The following WWOX variants were observed in gnomAD, a reference collection of about 807,000 sequenced individuals.
The protein encoded by WWOX is WW domain-containing oxidoreductase.
Under a neutral mutation model 46.2 loss-of-function variants are expected in WWOX, and 69 were observed. That is an observed-to-expected ratio of 1.49 (90% CI 1.23 to 1.82). The LOEUF (loss-of-function observed/expected upper bound fraction) is 1.82. Ranked by LOEUF, WWOX falls within the 40% of genes most tolerant of loss-of-function variation. The pLI is 0.00. For missense variants in WWOX, 919 were observed against 542.6 expected (o/e 1.69, Z -6.89); for synonymous variants, 359 against 202.6 (o/e 1.77, Z -6.56).
intron 5 of WWOX, among the ~76,000 whole-genome samples, chr16:78,292,652 T>A (rs1201165108): frequency 6.6e-6 from 1 of 152,078 alleles, no homozygotes; most frequent in East Asian, 1.9e-4. Flanking sequence ...AAAATAAAGC[T>A]CTTCCTAAAT....
At position 78,911,876 on chromosome 16, in the gene WWOX, ACT is replaced by A. The variant is rs944791460; in HGVS notation, c.1057-299730_1057-299729del. On this transcript the variant is annotated intron_variant, in intron 8 of 8. Coordinates refer to ENST00000566780, the MANE Select transcript of WWOX (RefSeq NM_016373.4). ...GCAGGACTCCATCTCAAAAAGAAAA[ACT>A]CAACGAAACACCCCAGCTTCTATCA... 4.5e-4 allele frequency among the ~76,000 whole-genome samples: 68 copies of A among 151,836 alleles called. 1 individual carries two copies. Among genetic ancestry groups the A allele is most frequent in the Non-Finnish European group, 4.6e-4 (31 of 67,964 alleles).
chr16:78,900,218 T>C lies in WWOX; in HGVS notation c.1057-311390T>C, dbSNP rs540506373. ...TCATGCAGACCTGTACATTTGTTTA[T>C]GACGAGATTAAAGTCTTTTCTCCTC... is the stretch of plus-strand genomic sequence containing the variant. On this transcript the variant is annotated intron_variant, in intron 8 of 8. Transcript: ENST00000566780. Among the ~76,000 whole-genome samples the C allele has an allele frequency of 4.6e-5, 7 of 152,284 alleles. No individual in the cohort carries two copies. In the South Asian group the frequency reaches 1.5e-3, roughly 32 times the overall value.
At chr16:78,824,143 A>C (rs184171422) in intron 8 of WWOX, among the ~76,000 whole-genome samples, 1 of 152,138 alleles carries the variant, frequency 6.6e-6, no homozygotes, top group African/African-American at 2.4e-5. Context: ...TTAAAAATCT[A>C]TTTGATTTTA....
intron 5 of WWOX, among the ~76,000 whole-genome samples, chr16:78,176,484 A>G (rs938907754): frequency 1.3e-5 from 2 of 152,216 alleles, no homozygotes; most frequent in Admixed American, 6.5e-5. Flanking sequence ...TTTACCGGCA[A>G]TTCTCAGATT....
intron 8 of WWOX, among the ~76,000 whole-genome samples, chr16:79,121,333 G>A (rs1057180657): frequency 6.6e-6 from 1 of 152,156 alleles, no homozygotes; most frequent in African/African-American, 2.4e-5. Flanking sequence ...CTCCATAGTC[G>A]CAGTCAGTAC....
chr16:78,468,979 C>G (rs1341764694), intron 8 of WWOX, among the ~76,000 whole-genome samples: 1 of 152,202 alleles, frequency 6.6e-6, no homozygotes, highest in Non-Finnish European at 1.5e-5. Flanking sequence ...ATCAGTAGTT[C>G]TGAATGACTT....
intron 8 of WWOX, among the ~76,000 whole-genome samples, chr16:78,450,282 G>A (rs1424700257): frequency 6.6e-6 from 1 of 152,132 alleles, no homozygotes; most frequent in South Asian, 2.1e-4. Context: ...GGGATCTCTT[G>A]AATCATTTAC....
intron 4 of WWOX, among the ~76,000 whole-genome samples, chr16:78,133,970 C>G (rs566961513): frequency 4.7e-4 from 71 of 152,278 alleles, no homozygotes; most frequent in African/African-American, 1.7e-3. Flanking sequence ...GATTTTGTGC[C>G]TCTTGCACAG....
chr16:78,497,733 A>G (rs1487984285), intron 8 of WWOX, among the ~76,000 whole-genome samples: 3 of 152,228 alleles, frequency 2.0e-5, no homozygotes, highest in African/African-American at 7.2e-5. Context: ...GACTCTCAGC[A>G]GGACATTACA....
In WWOX at chr16:79,053,835, A is replaced by G. The variant is rs566361555; in HGVS notation, c.1057-157773A>G. On this transcript the variant is annotated intron_variant, in intron 8 of 8. Coordinates refer to ENST00000566780, the MANE Select transcript of WWOX (RefSeq NM_016373.4). ...TGTGCTTCAGAAATTTGCAGCTTCT[A>G]TTTAGGTAGGAAGAGTTTGCCAGCC... 3.3e-5 allele frequency among the ~76,000 whole-genome samples: 5 copies of G among 152,278 alleles called. 1 individual carries two copies. The highest frequency in any genetic ancestry group is 3.9e-4 in the East Asian group (2 of 5,170).
chr16:79,073,519 G>T (rs1212963053), intron 8 of WWOX, among the ~76,000 whole-genome samples: 1 of 152,066 alleles, frequency 6.6e-6, no homozygotes, highest in African/African-American at 2.4e-5. Flanking sequence ...ATTTTAGGTG[G>T]AGATTTGAGT....
In WWOX at chr16:78,911,253, A is replaced by C. The variant is rs544537389; in HGVS notation, c.1057-300355A>C. On this transcript the variant is annotated intron_variant, in intron 8 of 8. Coordinates refer to ENST00000566780, the MANE Select transcript of WWOX (RefSeq NM_016373.4). ...GAGCAATTTTGGTGATTTCCATTCA[A>C]ATCTGTTTTTTGTCATAACTACCTT... is the stretch of plus-strand genomic sequence containing the variant. Among the ~76,000 whole-genome samples, 7 of 152,068 alleles carry C rather than the reference A, an allele frequency of 4.6e-5. No homozygotes were observed. The South Asian group carries it at 8.3e-4, about 18-fold the overall frequency.
chr16:78,857,710 T>C (rs1303062361), intron 8 of WWOX, among the ~76,000 whole-genome samples: 2 of 152,226 alleles, frequency 1.3e-5, no homozygotes, highest in African/African-American at 2.4e-5. Flanking sequence ...GCCTTTTCCC[T>C]AGTAGTAACA....
At chr16:78,101,269 G>A (rs1023563094) in intron 1 of WWOX, among the ~76,000 whole-genome samples, 1 of 148,782 alleles carries the variant, frequency 6.7e-6, no homozygotes, top group African/African-American at 2.5e-5. Flanking sequence ...GGATGGTCTC[G>A]ATCTCCTGAC....
intron 8 of WWOX, among the ~76,000 whole-genome samples, chr16:78,995,296 G>A (rs147057387): frequency 1.1e-3 from 160 of 152,202 alleles, no homozygotes; most frequent in African/African-American, 3.7e-3. Context: ...ATGCATCGCG[G>A]CCAGTCTGCC....
chr16:78,251,365 T>C (rs1450857687), intron 5 of WWOX, among the ~76,000 whole-genome samples: 1 of 152,184 alleles, frequency 6.6e-6, no homozygotes, highest in Non-Finnish European at 1.5e-5. Context: ...TTCGTCATCT[T>C]CCCTAGGCTT....
chr16:78,376,770 C>G (rs529687770), intron 5 of WWOX, among the ~76,000 whole-genome samples: 48 of 152,260 alleles, frequency 3.2e-4, no homozygotes, highest in African/African-American at 1.2e-3. Context: ...TTAGAATGGC[C>G]TCTGGTTGAG....
chr16:78,152,722 A>T (rs1018984656), intron 4 of WWOX, among the ~76,000 whole-genome samples: 7 of 152,216 alleles, frequency 4.6e-5, no homozygotes, highest in African/African-American at 1.7e-4. Context: ...CAGCACTAGT[A>T]GCCAGCCTGG....
Position 78,951,141 on chromosome 16 carries a change from G to A in WWOX, c.1057-260467G>A, listed in dbSNP as rs57005556. Among the ~76,000 whole-genome samples the A allele has an allele frequency of 3.5e-3, 530 of 152,304 alleles. 3 individuals are homozygous for A. Among genetic ancestry groups the A allele is most frequent in the African/African-American group, 0.012 (508 of 41,570 alleles). The stretch of plus-strand genomic sequence containing the variant: ...CTTGCTTAGACCAAAGATGGGGATT[G>A]ATTGGCAACTGGGAAGCCTAAGGGT... On this transcript the variant is annotated intron_variant, in intron 8 of 8. Transcript: ENST00000566780.
Sources: gnomAD v4.1 joint callset for allele counts (sites outside exome capture counted in the v4.1 genomes callset) on GRCh38, gnomAD v4.1.1 for gene constraint, MANE v1.5 for transcripts, NCBI Gene and HGNC (gene_info 2026-07-23, HGNC 2026-07-21) for gene names.